The following OSBPL10 variants were observed in gnomAD, a reference collection of about 807,000 sequenced individuals.
OSBPL10 encodes oxysterol-binding protein-related protein 10.
Under a neutral mutation model 81.7 loss-of-function variants are expected in OSBPL10, and 49 were observed. That is an observed-to-expected ratio of 0.60 (90% CI 0.48 to 0.76). The LOEUF (loss-of-function observed/expected upper bound fraction) is 0.76, where lower values mean the gene tolerates loss of function less well. Among genes scored for constraint, OSBPL10 ranks in the 30% least tolerant of loss-of-function variants. OSBPL10 has a pLI of 0.00. For missense variants in OSBPL10, 923 were observed against 987.8 expected, an observed-to-expected ratio of 0.93 and a Z score of 0.88; for synonymous variants, 419 against 383.6, an observed-to-expected ratio of 1.09 and a Z score of -1.08.
chr3:31,701,451 C>T (rs970911918), intron 7 of OSBPL10, among the ~76,000 whole-genome samples: 10 of 152,198 alleles, frequency 6.6e-5, no homozygotes, highest in Non-Finnish European at 1.3e-4. Flanking sequence ...CATAGCATTT[C>T]GTAAGGATAA....
chr3:31,947,469 T>A (rs1242371248), intron 1 of OSBPL10, among the ~76,000 whole-genome samples: 2 of 152,018 alleles, frequency 1.3e-5, no homozygotes, highest in East Asian at 3.9e-4. Flanking sequence ...CTATAGCGAG[T>A]GTCCAAATTA....
chr3:31,886,896 G>A (rs545482496), intron 1 of OSBPL10, among the ~76,000 whole-genome samples: 7 of 151,848 alleles, frequency 4.6e-5, no homozygotes, highest in Non-Finnish European at 8.8e-5. Context: ...CCGAGGTCAT[G>A]CCACTGCACT....
At chr3:31,902,003 C>T (rs1054752741) in intron 1 of OSBPL10, among the ~76,000 whole-genome samples, 1 of 152,108 alleles carries the variant, frequency 6.6e-6, no homozygotes, top group Non-Finnish European at 1.5e-5. Flanking sequence ...GCACTCCAGC[C>T]TGGGCAACAG....
chr3:31,756,963 C>T (rs184416399), intron 4 of OSBPL10, among the ~76,000 whole-genome samples: 1 of 152,288 alleles, frequency 6.6e-6, no homozygotes, highest in East Asian at 1.9e-4. Flanking sequence ...TCACTGTAGT[C>T]CACAGAGAAG....
intron 4 of OSBPL10, among the ~76,000 whole-genome samples, chr3:31,772,383 C>A (rs1698407118): frequency 6.6e-6 from 1 of 152,184 alleles, no homozygotes; most frequent in Non-Finnish European, 1.5e-5. Context: ...GGTGAATGAG[C>A]AAATACTCAA....
chr3:32,020,797 A>G (rs1699357829), intron 2 of OSBPL10, among the ~76,000 whole-genome samples: 1 of 152,094 alleles, frequency 6.6e-6, no homozygotes, highest in African/African-American at 2.4e-5. Context: ...AGTCCTAAGG[A>G]ATGATGGCAG....
At chr3:31,811,380 G>A (rs1388196593) in intron 4 of OSBPL10, among the ~76,000 whole-genome samples, 2 of 152,184 alleles carry the variant, frequency 1.3e-5, no homozygotes, top group Admixed American at 6.5e-5. Flanking sequence ...AACACCCTCC[G>A]ACTGTGCCCC....
chr3:31,795,712 A>T (rs2068100), intron 4 of OSBPL10: 158,408 of 212,738 alleles, frequency 0.74, 59,371 homozygotes, highest in African/African-American at 0.86. Flanking sequence ...ATCTTTTAGG[A>T]ACAGGTCTCA....
chr3:31,814,030 G>C (rs1373798222), intron 4 of OSBPL10, among the ~76,000 whole-genome samples: 1 of 152,182 alleles, frequency 6.6e-6, no homozygotes, highest in Non-Finnish European at 1.5e-5. Context: ...GCCTGGCCCT[G>C]TCCACCAACC....
intron 3 of OSBPL10, among the ~76,000 whole-genome samples, chr3:31,847,523 T>C (rs1444086035): frequency 1.3e-5 from 2 of 152,122 alleles, no homozygotes; most frequent in African/African-American, 2.4e-5. Flanking sequence ...AAACCTTCTC[T>C]TGCCCTCCTC....
At chr3:31,895,116 AT>A in intron 1 of OSBPL10, among the ~76,000 whole-genome samples, 1 of 145,884 alleles carries the variant, frequency 6.9e-6, no homozygotes, top group South Asian at 2.2e-4. Flanking sequence ...AATGCTGCAT[AT>A]TAGAATTCTC....
chr3:32,008,268 T>C (rs1699223219), intron 2 of OSBPL10, among the ~76,000 whole-genome samples: 1 of 151,644 alleles, frequency 6.6e-6, no homozygotes, highest in Admixed American at 6.6e-5. Flanking sequence ...TTCTCCTGCT[T>C]CAGCCTCCTG....
intron 1 of OSBPL10, among the ~76,000 whole-genome samples, chr3:31,905,169 T>A (rs1241972667): frequency 1.3e-5 from 2 of 152,092 alleles, no homozygotes; most frequent in Non-Finnish European, 2.9e-5. Flanking sequence ...AAAATCACTG[T>A]CTTGCCTACA....
chr3:31,775,024 G>A (rs1354795551), intron 4 of OSBPL10, among the ~76,000 whole-genome samples: 1 of 151,622 alleles, frequency 6.6e-6, no homozygotes, highest in African/African-American at 2.4e-5. Flanking sequence ...AAAATTAGCC[G>A]GGAATGGTGG....
At chr3:31,965,923 A>ATT in intron 1 of OSBPL10, among the ~76,000 whole-genome samples, 3 of 120,204 alleles carry the variant, frequency 2.5e-5, no homozygotes, top group South Asian at 2.3e-4. Flanking sequence ...GATAATATAT[A>ATT]ATATATATTA....
chr3:31,779,470 G>A (rs1473758942), intron 4 of OSBPL10, among the ~76,000 whole-genome samples: 1 of 152,078 alleles, frequency 6.6e-6, no homozygotes, highest in Non-Finnish European at 1.5e-5. Flanking sequence ...GATAAAGAGG[G>A]ACATTACATA....
intron 1 of OSBPL10, among the ~76,000 whole-genome samples, chr3:31,933,867 C>T (rs1697314673): frequency 6.6e-6 from 1 of 151,962 alleles, no homozygotes; most frequent in South Asian, 2.1e-4. Flanking sequence ...GCCACTTAAA[C>T]ATTAGTTTAC....
chr3:31,927,800 T>C lies in OSBPL10; in HGVS notation c.282-47970A>G, dbSNP rs138603994. On this transcript the variant is annotated intron_variant, in intron 1 of 11. Coordinates refer to ENST00000396556, the MANE Select transcript of OSBPL10 (RefSeq NM_017784.5). ...AGGAACACCTTATCTAAAACATGCG[T>C]AAAGAGGCTGAGTGAATAATTGTGG... 2.0e-4 allele frequency among the ~76,000 whole-genome samples: 30 copies of C among 152,262 alleles called. No homozygotes were observed. In the East Asian group the frequency reaches 4.1e-3, roughly 21 times the overall value.
intron 6 of OSBPL10, among the ~76,000 whole-genome samples, chr3:31,706,302 C>T (rs1164830057): frequency 1.3e-5 from 2 of 152,190 alleles, no homozygotes; most frequent in Non-Finnish European, 1.5e-5. Context: ...GATATCCACC[C>T]CCATCCTTGA....
Sources: allele counts gnomAD v4.1 joint callset (sites outside exome capture counted in the v4.1 genomes callset), GRCh38; gene constraint gnomAD v4.1.1; transcripts MANE v1.5; gene names NCBI Gene and HGNC (gene_info 2026-07-23, HGNC 2026-07-21).